RB1: variants seen among roughly 807,000 people sequenced by gnomAD.
RB1 encodes the protein retinoblastoma-associated protein.
RB1 carries 18 observed loss-of-function variants against 135.4 expected under a neutral mutation model. The observed-to-expected ratio is 0.13, with a 90% CI of 0.09 to 0.20. The LOEUF is 0.20. Ranked by LOEUF, RB1 falls within the 10% of genes least tolerant of loss-of-function variation. The probability of loss-of-function intolerance (pLI) is 1.00; values close to 1 mark genes in which losing one functional copy is unlikely to be tolerated. For synonymous variants in RB1, 365 were observed against 373.2 expected, an observed-to-expected ratio of 0.98 and a Z score of 0.25; for missense variants, 868 against 1,110.0, an observed-to-expected ratio of 0.78 and a Z score of 3.10.
intron 11 of RB1, among the ~76,000 whole-genome samples, chr13:48,371,972 G>A (rs746248606): frequency 3.9e-5 from 6 of 152,126 alleles, no homozygotes; most frequent in Non-Finnish European, 8.8e-5. Context: ...GCATGTGAGG[G>A]ATCTAGATTG....
intron 2 of RB1, among the ~76,000 whole-genome samples, chr13:48,321,413 G>A (rs756167598): frequency 6.8e-6 from 1 of 147,846 alleles, no homozygotes; most frequent in Non-Finnish European, 1.5e-5. Context: ...CGCTGCCACC[G>A]CCCCGCACCT....
intron 9 of RB1, among the ~76,000 whole-genome samples, chr13:48,366,498 TGG>T: frequency 6.6e-6 from 1 of 152,232 alleles, no homozygotes; most frequent in Non-Finnish European, 1.5e-5. Flanking sequence ...TCTCTGAGGT[TGG>T]AATCACTTTG....
chr13:48,411,785 T>A (rs1464528467), intron 17 of RB1: 1 of 1,612,054 alleles, frequency 6.2e-7, no homozygotes, highest in Non-Finnish European at 8.5e-7. Context: ...ATGTAACAGG[T>A]TTGGTTAAAG....
Position 48,333,420 on chromosome 13 carries a change from G to A in RB1, c.265-9179G>A, listed in dbSNP as rs114160067. Reference sequence around the variant, plus strand: ...GCTAATTAGTAGCCCTTTGAGTATGGTGGCAGTTTTCTTTCCTATATGGTT... The same window carrying A: ...GCTAATTAGTAGCCCTTTGAGTATGATGGCAGTTTTCTTTCCTATATGGTT... On this transcript the variant is annotated intron_variant, in intron 2 of 26. Transcript: ENST00000267163. 1.0e-2 allele frequency among the ~76,000 whole-genome samples: 1,515 copies of A among 152,240 alleles called. 34 individuals are homozygous for A. Among genetic ancestry groups the A allele is most frequent in the African/African-American group, 0.035 (1,437 of 41,532 alleles).
intron 6 of RB1, among the ~76,000 whole-genome samples, chr13:48,354,461 G>A (rs1952573709): frequency 6.6e-6 from 1 of 151,850 alleles, no homozygotes; most frequent in Admixed American, 6.6e-5. Flanking sequence ...AAAATTTTAT[G>A]TTGTTCATGG....
chr13:48,338,466 C>T (rs950657795), intron 2 of RB1, among the ~76,000 whole-genome samples: 1 of 152,192 alleles, frequency 6.6e-6, no homozygotes, highest in East Asian at 1.9e-4. Flanking sequence ...TCCAGTTGAT[C>T]GAATCAGCTG....
chr13:48,444,400 C>A (rs1949267479), intron 17 of RB1, among the ~76,000 whole-genome samples: 1 of 152,108 alleles, frequency 6.6e-6, no homozygotes, highest in Non-Finnish European at 1.5e-5. Flanking sequence ...CCCTGTAGTC[C>A]CAGCTACTCC....
chr13:48,458,119 C>T (rs535995182), intron 19 of RB1, among the ~76,000 whole-genome samples: 2 of 152,214 alleles, frequency 1.3e-5, no homozygotes, highest in African/African-American at 2.4e-5. Context: ...CCTGCTTGTC[C>T]CCGGCTCCTC....
At chr13:48,307,777 T>G (rs1025404474) in intron 2 of RB1, among the ~76,000 whole-genome samples, 5 of 151,070 alleles carry the variant, frequency 3.3e-5, no homozygotes, top group Admixed American at 1.3e-4. Flanking sequence ...GCAGGAGAAT[T>G]GCTTGAACCC....
At chr13:48,376,268 A>G (rs1051068932) in intron 12 of RB1, among the ~76,000 whole-genome samples, 3 of 152,102 alleles carry the variant, frequency 2.0e-5, no homozygotes, top group Non-Finnish European at 2.9e-5. Flanking sequence ...TGGGAGGCCA[A>G]GGTGGTTGGA....
At chr13:48,388,411 T>G (rs900005879) in intron 17 of RB1, among the ~76,000 whole-genome samples, 1 of 152,162 alleles carries the variant, frequency 6.6e-6, no homozygotes, top group Non-Finnish European at 1.5e-5. Context: ...GTCTGGAACT[T>G]AGGAAAGAAA....
intron 17 of RB1, among the ~76,000 whole-genome samples, chr13:48,441,382 G>T (rs1052092404): frequency 3.9e-5 from 6 of 152,002 alleles, no homozygotes; most frequent in African/African-American, 1.5e-4. Flanking sequence ...TGATTTTAAG[G>T]CACTAGGGCA....
intron 17 of RB1, among the ~76,000 whole-genome samples, chr13:48,418,272 A>G (rs574052055): frequency 6.6e-6 from 1 of 152,166 alleles, no homozygotes; most frequent in South Asian, 2.1e-4. Context: ...TTTTGTATCC[A>G]GCCAAACTAA....
intron 17 of RB1, chr13:48,404,246 G>C (rs1468491002): frequency 6.6e-6 from 1 of 152,120 alleles, no homozygotes; most frequent in African/African-American, 2.4e-5. Flanking sequence ...GAAGTAAACC[G>C]AGACTTCTGT....
intron 11 of RB1, among the ~76,000 whole-genome samples, chr13:48,372,376 C>T (rs772136880): frequency 6.6e-6 from 1 of 152,038 alleles, no homozygotes; most frequent in Non-Finnish European, 1.5e-5. Context: ...ATTTGAAAGA[C>T]GAGGCTGGGT....
intron 17 of RB1, among the ~76,000 whole-genome samples, chr13:48,391,791 A>G (rs1461437665): frequency 6.6e-6 from 1 of 150,932 alleles, no homozygotes; most frequent in African/African-American, 2.4e-5. Context: ...GCTAATTTTT[A>G]TATTTTTAGT....
chr13:48,420,062 A>G lies in RB1; in HGVS notation c.1696-32931A>G, dbSNP rs1373858684. 3.3e-5 allele frequency among the ~76,000 whole-genome samples: 5 copies of G among 152,256 alleles called. No individual in the cohort carries two copies. The East Asian group carries it at 9.6e-4, about 29-fold the overall frequency. Reference sequence around the variant, plus strand: ...ATAAGCCAAGAATCATCCTGATACCATAACCTGCCAGAGACACAACAAAAA... The same window carrying G: ...ATAAGCCAAGAATCATCCTGATACCGTAACCTGCCAGAGACACAACAAAAA... On this transcript the variant is annotated intron_variant, in intron 17 of 26. Coordinates refer to ENST00000267163, the MANE Select transcript of RB1 (RefSeq NM_000321.3).
intron 24 of RB1, among the ~76,000 whole-genome samples, chr13:48,473,729 A>G (rs989262904): frequency 6.6e-6 from 1 of 152,140 alleles, no homozygotes; most frequent in African/African-American, 2.4e-5. Context: ...TCTCACCCAA[A>G]TCTATTCTTC....
chr13:48,458,100 G>A (rs1344199358), intron 19 of RB1, among the ~76,000 whole-genome samples: 1 of 152,236 alleles, frequency 6.6e-6, no homozygotes, highest in African/African-American at 2.4e-5. Context: ...ACTCGGAAGG[G>A]GCGGGGTTCC....
Sources: gnomAD v4.1 joint callset for allele counts (sites outside exome capture counted in the v4.1 genomes callset) on GRCh38, gnomAD v4.1.1 for gene constraint, MANE v1.5 for transcripts, NCBI Gene and HGNC (gene_info 2026-07-23, HGNC 2026-07-21) for gene names.